The following GLI2 variants were observed in gnomAD, a reference collection of about 807,000 sequenced individuals.
The protein encoded by GLI2 is GLI family zinc finger 2.
GLI2 carries 22 observed loss-of-function variants against 78.9 expected under a neutral mutation model. That is an observed-to-expected ratio of 0.28 (90% CI 0.20 to 0.40). The LOEUF (loss-of-function observed/expected upper bound fraction) is 0.40, where lower values mean the gene tolerates loss of function less well. Among genes scored for constraint, GLI2 ranks in the 10% least tolerant of loss-of-function variants. GLI2 has a pLI of 1.00. For synonymous variants in GLI2, 974 were observed against 963.7 expected, an observed-to-expected ratio of 1.01 and a Z score of -0.20; for missense variants, 2,097 against 2,213.2, an observed-to-expected ratio of 0.95 and a Z score of 1.05.
At chr2:120,910,810 C>T (rs1229417964) in intron 2 of GLI2, among the ~76,000 whole-genome samples, 2 of 152,248 alleles carry the variant, frequency 1.3e-5, no homozygotes, top group Non-Finnish European at 2.9e-5. Flanking sequence ...CCTCTGACTT[C>T]GCTGGGTACC....
At chr2:120,777,803 G>A (rs550501712) in intron 1 of GLI2, among the ~76,000 whole-genome samples, 44 of 151,660 alleles carry the variant, frequency 2.9e-4, no homozygotes, top group African/African-American at 9.7e-4. Flanking sequence ...GAGGGACAGC[G>A]ATGAGTGGCC....
At chr2:120,793,497 G>A (rs1043557291) in intron 1 of GLI2, among the ~76,000 whole-genome samples, 2 of 152,322 alleles carry the variant, frequency 1.3e-5, no homozygotes, top group East Asian at 1.9e-4. Context: ...GATGAGCTTT[G>A]GGGAGTGAAA....
rs1281928090 is a variant in GLI2, at chr2:120,756,850, T to G, written c.-31+20565T>G. Among the ~76,000 whole-genome samples the G allele has an allele frequency of 3.9e-5, 6 of 152,338 alleles. No homozygotes were observed. In the East Asian group the frequency reaches 1.2e-3, roughly 29 times the overall value. ...TGTCTTTAAATATTTCTTCTTCCTA[T>G]CCTCTATGTTCTGTTTCTCCTTTGG... On this transcript the variant is annotated intron_variant, in intron 1 of 13. Coordinates refer to ENST00000361492, the MANE Select transcript of GLI2 (RefSeq NM_001374353.1).
intron 2 of GLI2, among the ~76,000 whole-genome samples, chr2:120,814,020 A>ACTT (rs1370489253): frequency 6.6e-6 from 1 of 151,934 alleles, no homozygotes; most frequent in African/African-American, 2.4e-5. Flanking sequence ...GCCCCCGAGA[A>ACTT]CAACTGGAGC....
chr2:120,878,257 T>C (rs1337223818), intron 2 of GLI2, among the ~76,000 whole-genome samples: 3 of 152,244 alleles, frequency 2.0e-5, no homozygotes, highest in African/African-American at 4.8e-5. Context: ...GTCAAGACAA[T>C]CTTTTCTCCT....
intron 2 of GLI2, among the ~76,000 whole-genome samples, chr2:120,887,072 A>G (rs1377316144): frequency 6.6e-6 from 1 of 152,170 alleles, no homozygotes; most frequent in Non-Finnish European, 1.5e-5. Context: ...CTGTGGGAAG[A>G]TGCCTGGCTT....
At position 120,951,288 on chromosome 2, in the gene GLI2, G is replaced by A. The variant is rs1263292441; in HGVS notation, c.300G>A (p.Leu100=). The change falls in exon 4 of 14, where the codon TTG becomes TTA. Residue 100 remains leucine, a synonymous_variant. Coordinates refer to ENST00000361492, the MANE Select transcript of GLI2 (RefSeq NM_001374353.1). The part of the protein sequence containing the change: ...SGSPVISDIS[L]IRLSPHPAGP... Reference sequence around the variant, plus strand: ...GCCCTGTCATCTCTGACATCTCCTTGATCCGGCTTTCCCCGCACCCGGCTG... The same window carrying A: ...GCCCTGTCATCTCTGACATCTCCTTAATCCGGCTTTCCCCGCACCCGGCTG... 1 of 1,612,830 alleles carries A rather than the reference G, an allele frequency of 6.2e-7. No homozygotes were observed. The highest frequency in any genetic ancestry group is 1.1e-5 in the South Asian group (1 of 91,070).
Position 120,955,405 on chromosome 2 carries a change from C to T in GLI2, c.618C>T (p.Leu206=). 2 of 1,609,622 alleles carry T rather than the reference C, an allele frequency of 1.2e-6. No homozygotes were observed. The highest frequency in any genetic ancestry group is 2.2e-5 in the South Asian group (2 of 90,798). Residue 206 remains leucine (L), a synonymous_variant, in exon 5 of 14, where the codon CTC becomes CTT. Transcript: ENST00000361492. ...QSGGAASAPH[L]HDYLNPVDVS... is the part of the protein sequence containing the mutation. ...GGGGCGCTGCCAGCGCACCCCATCTCCACGACTACCTCAACCCCGTGGACG... is the reference window on the plus strand; with the variant it reads ...GGGGCGCTGCCAGCGCACCCCATCTTCACGACTACCTCAACCCCGTGGACG...
chr2:120,871,350 A>G (rs1688418028), intron 2 of GLI2, among the ~76,000 whole-genome samples: 1 of 152,242 alleles, frequency 6.6e-6, no homozygotes, highest in Non-Finnish European at 1.5e-5. Context: ...GTGTTTACTC[A>G]GTGAGGATGC....
intron 2 of GLI2, among the ~76,000 whole-genome samples, chr2:120,797,914 A>C (rs1234776163): frequency 6.6e-6 from 1 of 152,194 alleles, no homozygotes; most frequent in Non-Finnish European, 1.5e-5. Context: ...TTCGGGATTT[A>C]CTATCTTAGG....
At chr2:120,907,174 G>A (rs1382074797) in intron 2 of GLI2, among the ~76,000 whole-genome samples, 1 of 152,062 alleles carries the variant, frequency 6.6e-6, no homozygotes, top group Non-Finnish European at 1.5e-5. Context: ...CAGGGCTCTC[G>A]GAGTCCCAGA....
chr2:120,891,069 G>A (rs757393719), intron 2 of GLI2, among the ~76,000 whole-genome samples: 62 of 152,340 alleles, frequency 4.1e-4, no homozygotes, highest in Admixed American at 9.1e-4. Flanking sequence ...GGCACCAGAC[G>A]TGGAGCCCAC....
At chr2:120,936,690 C>A (rs1317292757) in intron 3 of GLI2, among the ~76,000 whole-genome samples, 1 of 152,176 alleles carries the variant, frequency 6.6e-6, no homozygotes, top group Non-Finnish European at 1.5e-5. Flanking sequence ...AAGTTTCAGG[C>A]ATTGGTGGGG....
At chr2:120,755,453 G>A (rs1683011539) in intron 1 of GLI2, among the ~76,000 whole-genome samples, 1 of 152,048 alleles carries the variant, frequency 6.6e-6, no homozygotes, top group Non-Finnish European at 1.5e-5. Context: ...ACATGGGTTG[G>A]TGGTTTCCTT....
chr2:120,980,541 C>A (rs1573722163), intron 10 of GLI2, among the ~76,000 whole-genome samples: 1 of 152,296 alleles, frequency 6.6e-6, no homozygotes, highest in East Asian at 1.9e-4. Flanking sequence ...AGACCCTTGT[C>A]AGATATATGA....
chr2:120,923,932 G>A (rs1679532737), intron 2 of GLI2, among the ~76,000 whole-genome samples: 2 of 152,130 alleles, frequency 1.3e-5, no homozygotes, highest in African/African-American at 2.4e-5. Context: ...TGTACTTCAT[G>A]TTTGCCTGGC....
chr2:120,953,768 T>C (rs1681106015), intron 4 of GLI2, among the ~76,000 whole-genome samples: 1 of 152,114 alleles, frequency 6.6e-6, no homozygotes, highest in Non-Finnish European at 1.5e-5. Flanking sequence ...GGAGGATCGC[T>C]TGAGCCCAGG....
chr2:120,968,784 C>G lies in GLI2; in HGVS notation c.714C>G (p.Leu238=). The stretch of plus-strand genomic sequence containing the variant: ...AGCGGGCGCTGTCCATCTCCCCACT[C>G]TCAGACGCCAGCCTGGACCTGCAGC... ...SRKRALSISP[L]SDASLDLQRM... The change falls in exon 6 of 14, where the codon CTC becomes CTG. Residue 238 remains leucine (L), a synonymous_variant. Coordinates refer to ENST00000361492, the MANE Select transcript of GLI2 (RefSeq NM_001374353.1). 1 of 1,613,772 alleles carries G rather than the reference C, an allele frequency of 6.2e-7. No individual in the cohort carries two copies. The highest frequency in any genetic ancestry group is 8.5e-7 in the Non-Finnish European group (1 of 1,179,926).
chr2:120,757,910 G>A (rs1193213067), intron 1 of GLI2, among the ~76,000 whole-genome samples: 2 of 152,188 alleles, frequency 1.3e-5, no homozygotes, highest in Non-Finnish European at 2.9e-5. Flanking sequence ...GGTTTTGCTG[G>A]TTATTTGATG....
Sources: allele counts gnomAD v4.1 joint callset (sites outside exome capture counted in the v4.1 genomes callset), GRCh38; gene constraint gnomAD v4.1.1; transcripts MANE v1.5; gene names NCBI Gene and HGNC (gene_info 2026-07-23, HGNC 2026-07-21).